The following ADAMTSL1 variants were observed in gnomAD, a reference collection of about 807,000 sequenced individuals.
ADAMTSL1 encodes ADAMTS like 1, also known as ADAMTS-like protein 1.
A neutral mutation model predicts 201.8 loss-of-function variants in ADAMTSL1; 126 were observed. The observed-to-expected ratio is 0.62, with a 90% CI of 0.54 to 0.72. The LOEUF (loss-of-function observed/expected upper bound fraction) is 0.72. Ranked by LOEUF, ADAMTSL1 falls within the 30% of genes least tolerant of loss-of-function variation. The pLI is 0.00. For missense variants in ADAMTSL1, 2,679 were observed against 2,277.8 expected (o/e 1.18, Z -3.59); for synonymous variants, 1,121 against 903.4 (o/e 1.24, Z -4.32).
At chr9:18,785,399 T>C (rs972326271) in intron 19 of ADAMTSL1, among the ~76,000 whole-genome samples, 1 of 152,206 alleles carries the variant, frequency 6.6e-6, no homozygotes, top group Admixed American at 6.5e-5. Context: ...AAAGATAGCC[T>C]TTTCTTCTAC....
chr9:18,065,674 T>C (rs2131715015), intron 1 of ADAMTSL1, among the ~76,000 whole-genome samples: 1 of 152,222 alleles, frequency 6.6e-6, no homozygotes, highest in East Asian at 1.9e-4. Context: ...CTTTGTTAAA[T>C]GGGAGATTCT....
At chr9:18,338,598 C>A (rs1835344781) in intron 2 of ADAMTSL1, among the ~76,000 whole-genome samples, 1 of 152,156 alleles carries the variant, frequency 6.6e-6, no homozygotes, top group East Asian at 1.9e-4. Context: ...AGGGGTATGC[C>A]ACCTTGCCCA....
At chr9:18,560,285 G>A (rs547098814) in intron 3 of ADAMTSL1, among the ~76,000 whole-genome samples, 2 of 152,210 alleles carry the variant, frequency 1.3e-5, no homozygotes, top group South Asian at 4.2e-4. Flanking sequence ...TTTGTCATTG[G>A]TTCTGTTTAT....
intron 1 of ADAMTSL1, among the ~76,000 whole-genome samples, chr9:18,130,022 T>C (rs557197989): frequency 1.4e-4 from 22 of 152,190 alleles, no homozygotes; most frequent in Non-Finnish European, 2.6e-4. Flanking sequence ...AGCATGTTCC[T>C]GAGCTCAAGT....
intron 16 of ADAMTSL1, among the ~76,000 whole-genome samples, chr9:18,759,015 C>A (rs973687581): frequency 6.6e-6 from 1 of 152,130 alleles, no homozygotes; most frequent in Non-Finnish European, 1.5e-5. Context: ...AAAAAAGGTG[C>A]TGAAGGGTTA....
At chr9:18,733,467 C>T (rs750146311) in intron 15 of ADAMTSL1, among the ~76,000 whole-genome samples, 33 of 152,110 alleles carry the variant, frequency 2.2e-4, no homozygotes, top group African/African-American at 8.0e-4. Context: ...AGTTATTAGG[C>T]AAAAAGCTCA....
chr9:18,652,802 A>G (rs1828380355), intron 7 of ADAMTSL1, among the ~76,000 whole-genome samples: 1 of 152,170 alleles, frequency 6.6e-6, no homozygotes, highest in East Asian at 1.9e-4. Flanking sequence ...TCTGTAACCA[A>G]TTCCTTTATC....
At chr9:18,427,287 G>A (rs1819267508) in intron 2 of ADAMTSL1, among the ~76,000 whole-genome samples, 1 of 152,222 alleles carries the variant, frequency 6.6e-6, no homozygotes, top group Non-Finnish European at 1.5e-5. Context: ...CTGAATTGCT[G>A]AAAAGGGACA....
intron 2 of ADAMTSL1, among the ~76,000 whole-genome samples, chr9:18,325,806 T>C (rs1439094998): frequency 6.6e-6 from 1 of 151,878 alleles, no homozygotes; most frequent in Non-Finnish European, 1.5e-5. Context: ...AGTGATGCAA[T>C]CTCTGCTCAC....
At chr9:18,129,040 T>A (rs1825848400) in intron 1 of ADAMTSL1, among the ~76,000 whole-genome samples, 1 of 152,224 alleles carries the variant, frequency 6.6e-6, no homozygotes, top group African/African-American at 2.4e-5. Flanking sequence ...TCCAAACAAT[T>A]GCAGAAATTT....
At chr9:18,255,063 A>C (rs1831628687) in intron 2 of ADAMTSL1, among the ~76,000 whole-genome samples, 1 of 152,184 alleles carries the variant, frequency 6.6e-6, no homozygotes, top group Non-Finnish European at 1.5e-5. Flanking sequence ...GTTTGAGTGA[A>C]AGTTTCTATA....
chr9:18,007,652 G>A (rs1276855031), intron 1 of ADAMTSL1, among the ~76,000 whole-genome samples: 1 of 151,940 alleles, frequency 6.6e-6, no homozygotes, highest in African/African-American at 2.4e-5. Context: ...TGGAGCTCTG[G>A]TAATGGGGAT....
intron 2 of ADAMTSL1, among the ~76,000 whole-genome samples, chr9:18,519,297 G>T (rs915373436): frequency 1.3e-5 from 2 of 152,302 alleles, no homozygotes; most frequent in Middle Eastern, 3.4e-3. Context: ...TCTAGTCACT[G>T]TTAGGTGAAT....
chr9:18,759,426 G>C (rs755990231), intron 16 of ADAMTSL1, among the ~76,000 whole-genome samples: 9 of 152,174 alleles, frequency 5.9e-5, no homozygotes, highest in Non-Finnish European at 1.2e-4. Flanking sequence ...GTTTGGATTA[G>C]AGAACTGAAT....
At chr9:18,547,187 A>T (rs989865550) in intron 3 of ADAMTSL1, among the ~76,000 whole-genome samples, 4 of 152,154 alleles carry the variant, frequency 2.6e-5, no homozygotes, top group Non-Finnish European at 4.4e-5. Flanking sequence ...AATGTTTTAA[A>T]ATTGGAGGGA....
chr9:18,466,702 T>A (rs1016502862), intron 2 of ADAMTSL1, among the ~76,000 whole-genome samples: 1 of 152,122 alleles, frequency 6.6e-6, no homozygotes, highest in South Asian at 2.1e-4. Flanking sequence ...CTTTTTTATA[T>A]TTATTTCATA....
intron 2 of ADAMTSL1, among the ~76,000 whole-genome samples, chr9:18,218,368 G>C (rs544483334): frequency 2.0e-5 from 3 of 152,270 alleles, no homozygotes; most frequent in East Asian, 3.9e-4. Context: ...CTATTTGGCT[G>C]CTAATTCTTA....
intron 1 of ADAMTSL1, among the ~76,000 whole-genome samples, chr9:18,045,565 G>A (rs1252301359): frequency 6.6e-6 from 1 of 152,026 alleles, no homozygotes; most frequent in African/African-American, 2.4e-5. Context: ...AGATGAATGG[G>A]TAGGTCCCAG....
intron 2 of ADAMTSL1, among the ~76,000 whole-genome samples, chr9:18,442,549 A>C (rs752491849): frequency 1.3e-4 from 20 of 152,186 alleles, no homozygotes; most frequent in Non-Finnish European, 2.2e-4. Flanking sequence ...AAGAAGGAAA[A>C]AAAATCATGG....
Sources: gnomAD v4.1 joint callset for allele counts (sites outside exome capture counted in the v4.1 genomes callset) on GRCh38, gnomAD v4.1.1 for gene constraint, MANE v1.5 for transcripts, NCBI Gene and HGNC (gene_info 2026-07-23, HGNC 2026-07-21) for gene names.